The following SLC29A3 variants were observed in gnomAD, a reference collection of about 807,000 sequenced individuals.
SLC29A3 encodes the protein equilibrative nucleoside transporter 3.
SLC29A3 carries 18 observed loss-of-function variants against 25.4 expected under a neutral mutation model. The observed-to-expected ratio is 0.71, with a 90% CI of 0.49 to 1.05. The LOEUF (loss-of-function observed/expected upper bound fraction) is 1.05, where lower values mean the gene tolerates loss of function less well. SLC29A3 is among the 50% of genes least tolerant of loss of function. The pLI is 0.00. For synonymous variants in SLC29A3, 258 were observed against 267.1 expected (o/e 0.97, Z 0.33); for missense variants, 586 against 609.0 (o/e 0.96, Z 0.40).
rs1326150594 is a variant in SLC29A3 at position 71,335,275 on chromosome 10, CA to C, written c.301-8933del. 3.9e-5 allele frequency among the ~76,000 whole-genome samples: 6 copies of C among 152,330 alleles called. No homozygotes were observed. In the East Asian group the frequency reaches 1.2e-3, roughly 29 times the overall value. ...TTCCAAAACAAAACCCCTCTTTAGG[CA>C]GCTGCCTGAGACCACCCGCGAATCG... On this transcript the variant is annotated intron_variant, in intron 2 of 5. Transcript: ENST00000373189.
chr10:71,332,120 C>CT (rs1846131468), intron 2 of SLC29A3, among the ~76,000 whole-genome samples: 1 of 150,174 alleles, frequency 6.7e-6, no homozygotes, highest in African/African-American at 2.4e-5. Flanking sequence ...TTCTTTTTTT[C>CT]TTTTTTCTTC....
At chr10:71,346,138 T>C (rs533370879) in intron 3 of SLC29A3, among the ~76,000 whole-genome samples, 2 of 152,352 alleles carry the variant, frequency 1.3e-5, no homozygotes, top group South Asian at 2.1e-4. Flanking sequence ...CAGCTGAGTC[T>C]GCCTGTTGCC....
At chr10:71,375,778 T>C (rs1847246949) in exon 4 of SLC29A3, 1 of 152,192 alleles carries the variant, frequency 6.6e-6, no homozygotes, top group South Asian at 2.1e-4. Context: ...GACGGCTGTC[T>C]CCCCTGAAAG....
chr10:71,333,051 C>G (rs948737476), intron 2 of SLC29A3, among the ~76,000 whole-genome samples: 2 of 152,258 alleles, frequency 1.3e-5, no homozygotes, highest in Admixed American at 6.5e-5. Flanking sequence ...ATTTCCTGGA[C>G]AAATTAGAAG....
At position 71,351,676 on chromosome 10, in the gene SLC29A3, G is replaced by C. The variant is rs150879861; in HGVS notation, c.498G>C (p.Ala166=). 3.7e-3 allele frequency: 5,934 copies of C among 1,614,066 alleles called. 117 individuals carry two copies. Among genetic ancestry groups the C allele is most frequent in the South Asian group, 0.016 (1,417 of 91,082 alleles). Reference sequence around the variant, plus strand: ...CCTCCTGGACCCGTGGCTTTTTTGCGGTCACCATTGTCTGCATGGTGATCC... The same window carrying C: ...CCTCCTGGACCCGTGGCTTTTTTGCCGTCACCATTGTCTGCATGGTGATCC... The part of the protein sequence containing the change: ...DTSSWTRGFF[A]VTIVCMVILS... Residue 166 remains alanine, a synonymous_variant, in exon 4 of 6, where the codon GCG becomes GCC. Transcript: ENST00000373189.
At chr10:71,329,371 T>G (rs986574863) in intron 2 of SLC29A3, among the ~76,000 whole-genome samples, 1 of 149,280 alleles carries the variant, frequency 6.7e-6, no homozygotes, top group African/African-American at 2.5e-5. Flanking sequence ...GGCAGGAGAT[T>G]CGTTGGAACC....
chr10:71,372,497 T>C (rs1201383295), intron 3 of SLC29A3, among the ~76,000 whole-genome samples: 1 of 152,200 alleles, frequency 6.6e-6, no homozygotes, highest in Non-Finnish European at 1.5e-5. Flanking sequence ...TCCATAGGTC[T>C]GGTGTGGGAC....
At chr10:71,353,059 C>G (rs1052187171) in intron 4 of SLC29A3, among the ~76,000 whole-genome samples, 51 of 152,228 alleles carry the variant, frequency 3.4e-4, no homozygotes, top group Non-Finnish European at 7.3e-5. Context: ...TATGTCCCTT[C>G]CCCACTCGAG....
rs1845886512 is a variant in SLC29A3, at chr10:71,322,954, C to CA, written c.201dup (p.Trp68MetfsTer28). The CA allele has an allele frequency of 1.2e-6, 2 of 1,614,090 alleles. No individual in the cohort carries two copies. Among genetic ancestry groups the CA allele is most frequent in the Non-Finnish European group, 1.7e-6 (2 of 1,180,048 alleles). ...AGCCTGGGCATTGGCAGTCTACTGC[C>CA]ATGGAACTTCTTTATCACTGCCAAG... On this transcript the variant is annotated frameshift_variant, in exon 2 of 6. Coordinates refer to ENST00000373189, the MANE Select transcript of SLC29A3 (RefSeq NM_018344.6). LOFTEE classifies it high-confidence loss of function.
downstream of SLC29A3, among the ~76,000 whole-genome samples, chr10:71,364,090 T>A (rs1847142740): frequency 6.6e-6 from 1 of 152,056 alleles, no homozygotes; most frequent in South Asian, 2.1e-4. Context: ...ATAAATTCCC[T>A]CCATTCATCC....
chr10:71,325,915 CTTTT>C (rs5786034), intron 2 of SLC29A3, among the ~76,000 whole-genome samples: 2 of 122,636 alleles, frequency 1.6e-5, no homozygotes, highest in Non-Finnish European at 1.6e-5. Flanking sequence ...TATATTAGTA[CTTTT>C]TTTTTTTTTT....
At chr10:71,349,575 T>C (rs1290095361) in intron 3 of SLC29A3, among the ~76,000 whole-genome samples, 2 of 152,162 alleles carry the variant, frequency 1.3e-5, no homozygotes, top group Non-Finnish European at 2.9e-5. Flanking sequence ...GCTGTGTGGG[T>C]GTGGGTGTGG....
intron 3 of SLC29A3, among the ~76,000 whole-genome samples, chr10:71,348,485 C>G (rs766370958): frequency 6.6e-6 from 1 of 152,256 alleles, no homozygotes; most frequent in South Asian, 2.1e-4. Context: ...GGCAGGGCTC[C>G]GGTCTCCTGA....
chr10:71,342,551 A>T (rs563465838), intron 2 of SLC29A3, among the ~76,000 whole-genome samples: 1 of 152,382 alleles, frequency 6.6e-6, no homozygotes, highest in South Asian at 2.1e-4. Context: ...AAACAAAATC[A>T]TCAGAGATTC....
chr10:71,344,376 C>G (rs1037246720), intron 3 of SLC29A3, 85 bp downstream of exon 3: 11 of 1,058,650 alleles, frequency 1.0e-5, no homozygotes, highest in African/African-American at 1.5e-5. Flanking sequence ...TGCTTTTTTT[C>G]TGCCTACTTA....
At chr10:71,380,102 G>A (rs990677766) in exon 5 of SLC29A3, 1 of 152,260 alleles carries the variant, frequency 6.6e-6, no homozygotes, top group South Asian at 2.1e-4. Flanking sequence ...ATGTTTGGAG[G>A]CCCAAGGTCA....
chr10:71,361,696 A>G (rs1298732514), intron 5 of SLC29A3, among the ~76,000 whole-genome samples: 2 of 152,230 alleles, frequency 1.3e-5, no homozygotes, highest in Non-Finnish European at 2.9e-5. Context: ...CTCACCATGC[A>G]GTGGTCAGTC....
intron 5 of SLC29A3, among the ~76,000 whole-genome samples, chr10:71,360,326 T>C (rs1847023595): frequency 6.6e-6 from 1 of 151,932 alleles, no homozygotes; most frequent in African/African-American, 2.4e-5. Flanking sequence ...GTATTTTTAG[T>C]AGAGGTGGGG....
At chr10:71,367,874 C>T (rs566149247), downstream of SLC29A3, among the ~76,000 whole-genome samples, 67 of 152,298 alleles carry the variant, frequency 4.4e-4, no homozygotes, top group Admixed American at 1.1e-3. Context: ...GCTGTTTCTG[C>T]CACCTCCTAG....
Sources: allele counts gnomAD v4.1 joint callset (sites outside exome capture counted in the v4.1 genomes callset), GRCh38; gene constraint gnomAD v4.1.1; transcripts MANE v1.5; gene names NCBI Gene and HGNC (gene_info 2026-07-23, HGNC 2026-07-21).